Variants in RGS6 observed in about 807,000 individuals in gnomAD.
RGS6 encodes regulator of G-protein signaling 6.
A neutral mutation model predicts 78.5 loss-of-function variants in RGS6; 30 were observed. That is an observed-to-expected ratio of 0.38 (90% CI 0.29 to 0.52). RGS6 has a LOEUF of 0.52. Among genes scored for constraint, RGS6 ranks in the 20% least tolerant of loss-of-function variants. The pLI, the probability that RGS6 is intolerant of heterozygous loss-of-function variation, is 0.85. For synonymous variants in RGS6, 206 were observed against 206.0 expected, an observed-to-expected ratio of 1.00 and a Z score of 0.00; for missense variants, 495 against 609.7, an observed-to-expected ratio of 0.81 and a Z score of 1.98.
At chr14:72,511,800 G>A (rs2096881248) in intron 14 of RGS6, 1 of 152,222 alleles carries the variant, frequency 6.6e-6, no homozygotes, top group African/African-American at 2.4e-5. Context: ...CCACGTGTCT[G>A]TTATAAACCA....
At chr14:72,088,669 A>G (rs1323205726) in intron 2 of RGS6, among the ~76,000 whole-genome samples, 1 of 151,828 alleles carries the variant, frequency 6.6e-6, no homozygotes, top group Non-Finnish European at 1.5e-5. Context: ...AGACCAGATC[A>G]TTCTCCTGCT....
At chr14:72,613,592 C>A in the RGS6 span, among the ~76,000 whole-genome samples, 4 of 152,154 alleles carry the variant, frequency 2.6e-5, no homozygotes, top group African/African-American at 9.7e-5. Context: ...AACAAAGGGC[C>A]CTGGGGAGTC....
chr14:72,158,376 C>T (rs530487524), intron 2 of RGS6, among the ~76,000 whole-genome samples: 1 of 152,270 alleles, frequency 6.6e-6, no homozygotes, highest in Admixed American at 6.5e-5. Context: ...ACTTAATTAC[C>T]TCTGAAAAGA....
At chr14:72,475,725 A>G (rs560622046) in intron 10 of RGS6, among the ~76,000 whole-genome samples, 1 of 152,086 alleles carries the variant, frequency 6.6e-6, no homozygotes, top group African/African-American at 2.4e-5. Flanking sequence ...GCGAGACTCC[A>G]TCTCAAAAAA....
At chr14:72,190,499 G>C (rs1399105759) in intron 2 of RGS6, among the ~76,000 whole-genome samples, 1 of 152,152 alleles carries the variant, frequency 6.6e-6, no homozygotes, top group East Asian at 1.9e-4. Flanking sequence ...AGGCCCATTG[G>C]TGGCTACTTA....
At chr14:72,293,703 A>C (rs1486269234) in intron 2 of RGS6, among the ~76,000 whole-genome samples, 1 of 152,228 alleles carries the variant, frequency 6.6e-6, no homozygotes, top group African/African-American at 2.4e-5. Context: ...TGTACTCAGC[A>C]GTAGACTCAT....
At chr14:71,984,325 A>ACTT (rs1207555409) in intron 2 of RGS6, among the ~76,000 whole-genome samples, 6 of 123,156 alleles carry the variant, frequency 4.9e-5, no homozygotes, top group Admixed American at 7.9e-5. Flanking sequence ...AAAAAAAACA[A>ACTT]AGCTGTTAGA....
At chr14:71,968,688 A>G (rs1252009285) in intron 2 of RGS6, among the ~76,000 whole-genome samples, 1 of 152,184 alleles carries the variant, frequency 6.6e-6, no homozygotes, top group East Asian at 1.9e-4. Context: ...CCATGTTATC[A>G]ACCACAGACT....
intron 2 of RGS6, among the ~76,000 whole-genome samples, chr14:72,241,226 C>T (rs973654425): frequency 6.6e-6 from 1 of 151,060 alleles, no homozygotes; most frequent in African/African-American, 2.4e-5. Context: ...AGAAAAAAAG[C>T]CTGGCATTTT....
intron 2 of RGS6, among the ~76,000 whole-genome samples, chr14:72,267,066 A>G (rs577429353): frequency 1.3e-5 from 2 of 152,248 alleles, no homozygotes; most frequent in East Asian, 3.9e-4. Context: ...CAGTGGTGCA[A>G]TCTCAGCTCA....
intron 14 of RGS6, among the ~76,000 whole-genome samples, chr14:72,516,423 C>T (rs12323865): frequency 0.013 from 1,952 of 152,282 alleles, 37 homozygotes; most frequent in African/African-American, 0.045. Flanking sequence ...GCCCTTCCTT[C>T]CCCACCCTCT....
upstream of RGS6, among the ~76,000 whole-genome samples, chr14:71,930,944 T>C (rs1469626514): frequency 8.7e-6 from 1 of 114,600 alleles, no homozygotes; most frequent in Admixed American, 1.3e-4. Flanking sequence ...ACCACCACAC[T>C]CCAGCCTGGG....
At chr14:71,867,365 C>A in the RGS6 span, among the ~76,000 whole-genome samples, 1 of 152,194 alleles carries the variant, frequency 6.6e-6, no homozygotes, top group African/African-American at 2.4e-5. Context: ...AGAGGCAACA[C>A]TTTCAGCAGG....
At chr14:71,879,832 G>A in the RGS6 span, among the ~76,000 whole-genome samples, 2 of 152,198 alleles carry the variant, frequency 1.3e-5, no homozygotes, top group Non-Finnish European at 2.9e-5. Flanking sequence ...GGTAGAGTGG[G>A]GTGCTGCTGT....
intron 2 of RGS6, among the ~76,000 whole-genome samples, chr14:72,141,286 C>T (rs577409946): frequency 1.3e-4 from 20 of 152,250 alleles, no homozygotes; most frequent in African/African-American, 4.6e-4. Flanking sequence ...TTTGCTGACT[C>T]ATCTATGCCT....
intron 3 of RGS6, among the ~76,000 whole-genome samples, chr14:72,394,330 AT>A (rs1192966389): frequency 1.3e-5 from 2 of 152,146 alleles, no homozygotes; most frequent in Non-Finnish European, 2.9e-5. Flanking sequence ...GGTCACAGAG[AT>A]CACATGCTTC....
At chr14:72,406,789 A>T (rs895318473) in intron 3 of RGS6, among the ~76,000 whole-genome samples, 12 of 152,194 alleles carry the variant, frequency 7.9e-5, no homozygotes, top group Non-Finnish European at 1.6e-4. Flanking sequence ...ATGTATTTAT[A>T]GGTACCAGTA....
intron 2 of RGS6, among the ~76,000 whole-genome samples, chr14:72,174,707 C>G (rs753709583): frequency 2.6e-5 from 4 of 152,096 alleles, no homozygotes; most frequent in Non-Finnish European, 5.9e-5. Flanking sequence ...CCCAACTACC[C>G]ACAGATTGGA....
At chr14:71,977,634 G>C (rs1566945139) in intron 2 of RGS6, among the ~76,000 whole-genome samples, 1 of 149,988 alleles carries the variant, frequency 6.7e-6, no homozygotes, top group African/African-American at 2.4e-5. Flanking sequence ...CTCTGTTTTG[G>C]TACCAGTACC....
Sources: allele counts gnomAD v4.1 joint callset (sites outside exome capture counted in the v4.1 genomes callset), GRCh38; gene constraint gnomAD v4.1.1; transcripts MANE v1.5; gene names NCBI Gene and HGNC (gene_info 2026-07-23, HGNC 2026-07-21).